The following CENPF variants were observed in gnomAD, a reference collection of about 807,000 sequenced individuals.
The protein encoded by CENPF is AH antigen.
CENPF carries 214 observed loss-of-function variants against 307.3 expected under a neutral mutation model. The ratio of observed to expected loss-of-function variants is 0.70; its 90% CI spans 0.62 to 0.78. CENPF has a LOEUF of 0.78. Ranked by LOEUF, CENPF falls within the 30% of genes least tolerant of loss-of-function variation. The pLI is 0.00. For synonymous variants in CENPF, 1,259 were observed against 1,270.6 expected (o/e 0.99, Z 0.19); for missense variants, 3,401 against 3,483.9 (o/e 0.98, Z 0.60).
chr1:214,653,033 C>G (rs1237750655), intron 16 of CENPF, 44 bp downstream of exon 16: 1 of 1,520,484 alleles, frequency 6.6e-7, no homozygotes. Context: ...ATGGTTTATA[C>G]AGGTGGTAGT....
chr1:214,603,994 G>A (rs1238546304), intron 1 of CENPF, among the ~76,000 whole-genome samples: 1 of 152,062 alleles, frequency 6.6e-6, no homozygotes, highest in East Asian at 1.9e-4. Flanking sequence ...ACGCGCCTGT[G>A]TGCCCGGCTC....
At chr1:214,639,716 A>T (rs543466118) in intron 11 of CENPF, among the ~76,000 whole-genome samples, 5 of 152,068 alleles carry the variant, frequency 3.3e-5, no homozygotes, top group African/African-American at 1.2e-4. Flanking sequence ...TCTCCTTAAG[A>T]TAACCATTTT....
chr1:214,648,624 G>T, intron 13 of CENPF, 51 bp from the exon 14 acceptor site: 3 of 1,595,842 alleles, frequency 1.9e-6, no homozygotes, highest in Non-Finnish European at 2.6e-6. Context: ...TGGTCGATCT[G>T]ATCAAAACAG....
In CENPF at chr1:214,620,649, C is replaced by T; in HGVS notation, c.574-6C>T. The T allele has an allele frequency of 6.2e-7, 1 of 1,604,126 alleles. No homozygotes were observed. Among genetic ancestry groups the T allele is most frequent in the Non-Finnish European group, 8.5e-7 (1 of 1,176,794 alleles). The stretch of plus-strand genomic sequence containing the variant: ...AAAGGCCTCTAAAGAGATTCTGTTT[C>T]TACAGAAAGCAAGCCAGACTCTTCC... On this transcript the variant is annotated splice_region_variant and splice_polypyrimidine_tract_variant and intron_variant, in intron 5 of 19. Transcript: ENST00000366955.
intron 3 of CENPF, among the ~76,000 whole-genome samples, chr1:214,616,807 T>TTTCC (rs934135502): frequency 6.7e-6 from 1 of 149,692 alleles, no homozygotes; most frequent in African/African-American, 2.5e-5. Context: ...TGTTTCTTTC[T>TTTCC]TTCCTTCCTT....
chr1:214,638,551 C>T (rs189214703), intron 11 of CENPF, among the ~76,000 whole-genome samples: 2 of 152,260 alleles, frequency 1.3e-5, no homozygotes, highest in Admixed American at 6.5e-5. Flanking sequence ...ATGTTTGTGC[C>T]GGATGTCTTC....
intron 15 of CENPF, among the ~76,000 whole-genome samples, chr1:214,652,216 T>C: frequency 6.6e-6 from 1 of 151,004 alleles, no homozygotes; most frequent in East Asian, 2.0e-4. Flanking sequence ...TTTGTATTTT[T>C]AGTAGTGATG....
In CENPF at chr1:214,645,774, T is replaced by C; in HGVS notation, c.6204T>C (p.Leu2068=). ...IAQLNKEKEL[L]VKESESLQAR... ...AACTGAATAAAGAGAAAGAATTGCT[T>C]GTCAAGGAATCTGAAAGCCTGCAGG... Residue 2068 remains leucine, a synonymous_variant, in exon 13 of 20, where the codon CTT becomes CTC. Transcript: ENST00000366955. 6.2e-7 allele frequency: 1 copy of C among 1,614,132 alleles called. No homozygotes were observed. Among genetic ancestry groups the C allele is most frequent in the Non-Finnish European group, 8.5e-7 (1 of 1,180,026 alleles).
At chr1:214,607,970 C>A (rs1401225118) in intron 1 of CENPF, among the ~76,000 whole-genome samples, 1 of 152,206 alleles carries the variant, frequency 6.6e-6, no homozygotes, top group Non-Finnish European at 1.5e-5. Flanking sequence ...GGGGCCCCAG[C>A]CACACGTGCA....
At chr1:214,639,134 T>A (rs1303077041) in intron 11 of CENPF, among the ~76,000 whole-genome samples, 1 of 152,244 alleles carries the variant, frequency 6.6e-6, no homozygotes, top group African/African-American at 2.4e-5. Context: ...GTGGAGGTTC[T>A]CAACTTTCAA....
chr1:214,648,507 T>C (rs780056412), intron 13 of CENPF, 168 bp from the exon 14 acceptor site: 8 of 776,376 alleles, frequency 1.0e-5, no homozygotes, highest in Admixed American at 6.8e-5. Flanking sequence ...AGCTTACTAG[T>C]AGGTTTTGAG....
Position 214,644,879 on chromosome 1 carries a change from ATAATCT to A in CENPF, c.5311_5316del (p.Asn1771_Leu1772del). 1 of 1,614,084 alleles carries A rather than the reference ATAATCT, an allele frequency of 6.2e-7. No individual in the cohort carries two copies. Among genetic ancestry groups the A allele is most frequent in the Non-Finnish European group, 8.5e-7 (1 of 1,180,000 alleles). On this transcript the variant is annotated inframe_deletion, in exon 13 of 20. Coordinates refer to ENST00000366955, the MANE Select transcript of CENPF (RefSeq NM_016343.4). ...TTCCTGGGGAATCAGGAAGATATCC[ATAATCT>A]TCAACTGCGGGTAAAAGAGACATCA... is the stretch of plus-strand genomic sequence containing the variant.
chr1:214,647,122 G>A lies in CENPF; in HGVS notation c.7552G>A (p.Glu2518Lys), dbSNP rs151128805. The change falls in exon 13 of 20, where the codon GAG (glutamate) becomes AAG (lysine). Residue 2518 changes from glutamate to lysine, a missense_variant. Physicochemically the swap from Glu to Lys is moderately conservative, Grantham distance 56. Transcript: ENST00000366955. Reference sequence around the variant, plus strand: ...AGTAGAAGATGGCAAGCAGAAACTGGAGAAGAAGGATGAAGAAATCAGTAG... The same window carrying A: ...AGTAGAAGATGGCAAGCAGAAACTGAAGAAGAAGGATGAAGAAATCAGTAG... ...QEVEDGKQKL[E>K]KKDEEISRLK... is the part of the protein sequence containing the mutation. 2.5e-6 allele frequency: 4 copies of A among 1,613,908 alleles called. No homozygotes were observed. The highest frequency in any genetic ancestry group is 3.3e-5 in the Admixed American group (2 of 59,974).
Position 214,644,711 on chromosome 1 carries a change from C to T in CENPF, c.5141C>T (p.Ala1714Val), listed in dbSNP as rs768847066. The change falls in exon 13 of 20, where the codon GCA becomes GTA. Residue 1714 changes from alanine (A) to valine (V), a missense_variant. Transcript: ENST00000366955. The part of the protein sequence containing the change: ...LDIEKITETG[A>V]VKPTGECSGE... ...ATTGAGAAAATAACTGAGACTGGTG[C>T]AGTGAAACCCACAGGAGAGTGCTCT... 3 of 1,613,926 alleles carry T rather than the reference C, an allele frequency of 1.9e-6. No homozygotes were observed. The highest frequency in any genetic ancestry group is 2.5e-6 in the Non-Finnish European group (3 of 1,179,914).
chr1:214,661,930 T>G (rs1379626846), intron 19 of CENPF, among the ~76,000 whole-genome samples: 1 of 152,148 alleles, frequency 6.6e-6, no homozygotes, highest in Admixed American at 6.5e-5. Context: ...CTTAATAGAT[T>G]AAATACTTGG....
chr1:214,622,013 A>G, intron 6 of CENPF, 66 bp from the exon 7 acceptor site: 1 of 1,246,388 alleles, frequency 8.0e-7, no homozygotes, highest in East Asian at 2.5e-5. Flanking sequence ...AAAACAAATG[A>G]TAAGTTATGA....
chr1:214,609,106 G>A (rs1657128044), intron 1 of CENPF, among the ~76,000 whole-genome samples: 1 of 151,200 alleles, frequency 6.6e-6, no homozygotes, highest in African/African-American at 2.4e-5. Flanking sequence ...CTGGGCCCCA[G>A]GGCCGCACTC....
At position 214,657,273 on chromosome 1, in the gene CENPF, T is replaced by C; in HGVS notation, c.8826T>C (p.Gly2942=). ...RQRSSGIWEN[G]RGPTPATPES... ...GATCCAGTGGAATATGGGAGAATGG[T>C]AGAGGACCAACACCTGCTACCCCAG... is the stretch of plus-strand genomic sequence containing the variant. Residue 2942 remains glycine (G), a synonymous_variant, in exon 18 of 20, where the codon GGT becomes GGC. Coordinates refer to ENST00000366955, the MANE Select transcript of CENPF (RefSeq NM_016343.4). 1.2e-6 allele frequency: 2 copies of C among 1,614,100 alleles called. No individual in the cohort carries two copies. The highest frequency in any genetic ancestry group is 1.7e-6 in the Non-Finnish European group (2 of 1,180,012).
intron 8 of CENPF, 149 bp from the exon 9 acceptor site, chr1:214,630,385 C>G: frequency 1.1e-6 from 1 of 915,766 alleles, no homozygotes; most frequent in South Asian, 1.8e-5. Flanking sequence ...CCAAGGCTGA[C>G]TATGTTCATC....
Sources: allele counts gnomAD v4.1 joint callset (sites outside exome capture counted in the v4.1 genomes callset), GRCh38; gene constraint gnomAD v4.1.1; transcripts MANE v1.5; gene names NCBI Gene and HGNC (gene_info 2026-07-23, HGNC 2026-07-21).